The following PCA3 variants were observed in gnomAD, a reference collection of about 807,000 sequenced individuals.
PCA3 encodes the protein prostate cancer associated 3, also known as Differential Display code 3.
At chr9:76,777,624 C>T (rs1813904861) in intron 2 of PCA3, among the ~76,000 whole-genome samples, 1 of 152,142 alleles carries the variant, frequency 6.6e-6, no homozygotes, top group African/African-American at 2.4e-5. Flanking sequence ...GACAAAAATC[C>T]CTACCCTCGT....
intron 2 of PCA3, among the ~76,000 whole-genome samples, chr9:76,781,776 T>C (rs190387353): frequency 2.6e-5 from 4 of 152,220 alleles, no homozygotes; most frequent in Admixed American, 2.0e-4. Flanking sequence ...ATAGTGTTGG[T>C]GAATGAGTTA....
chr9:76,776,583 C>T lies in PCA3; in HGVS notation n.853-32000C>T, dbSNP rs921884536. On this transcript the variant is annotated intron_variant and non_coding_transcript_variant, in intron 2 of 5. Coordinates refer to ENST00000644657, the Ensembl canonical transcript of PCA3. Reference sequence around the variant, plus strand: ...CAAATTGGAGTGCAGTGCACAATCTCGGCTCACTGCAACATCCGCCTCCCG... The same window carrying T: ...CAAATTGGAGTGCAGTGCACAATCTTGGCTCACTGCAACATCCGCCTCCCG... Among the ~76,000 whole-genome samples the T allele has an allele frequency of 8.9e-4, 118 of 133,218 alleles. 2 individuals are homozygous for T. Among genetic ancestry groups the T allele is most frequent in the Non-Finnish European group, 1.6e-3 (107 of 65,726 alleles). The allele number at this position is 133,218 out of a possible 152,430, so 87.4% of individuals were successfully genotyped here. A position where few individuals can be genotyped will look rare whatever the true frequency, so the allele number is the denominator to read the frequency against.
intron 2 of PCA3, among the ~76,000 whole-genome samples, chr9:76,764,776 C>A (rs954530102): frequency 4.6e-5 from 7 of 152,082 alleles, no homozygotes; most frequent in African/African-American, 1.7e-4. Context: ...TGGGCCTAGG[C>A]CTTTTTGGAG....
chr9:76,776,069 C>T (rs934454422), intron 2 of PCA3, among the ~76,000 whole-genome samples: 3 of 152,176 alleles, frequency 2.0e-5, no homozygotes, highest in African/African-American at 2.4e-5. Flanking sequence ...GACAATCTCA[C>T]GTGCACAGAG....
chr9:76,776,667 A>G (rs537970801), intron 2 of PCA3, among the ~76,000 whole-genome samples: 22 of 151,494 alleles, frequency 1.5e-4, no homozygotes, highest in African/African-American at 4.1e-4. Context: ...GGTGCCCGCC[A>G]CTATGCCTAG....
intron 2 of PCA3, chr9:76,785,910 C>A (rs944209699): frequency 6.6e-6 from 1 of 152,122 alleles, no homozygotes; most frequent in Non-Finnish European, 1.5e-5. Context: ...CATCTGTTAA[C>A]ATAAAAAAAG....
intron 2 of PCA3, among the ~76,000 whole-genome samples, chr9:76,780,478 G>A (rs910008385): frequency 6.6e-6 from 1 of 152,046 alleles, no homozygotes; most frequent in Non-Finnish European, 1.5e-5. Context: ...ACGAGGCCAG[G>A]AGATCAAGAC....
intron 2 of PCA3, among the ~76,000 whole-genome samples, chr9:76,771,151 TAG>T (rs944530297): frequency 1.3e-5 from 2 of 152,136 alleles, no homozygotes; most frequent in African/African-American, 2.4e-5. Flanking sequence ...TCATAGAAAC[TAG>T]ACATGATTTA....
At chr9:76,773,473 C>T (rs1393729698) in intron 2 of PCA3, among the ~76,000 whole-genome samples, 2 of 140,488 alleles carry the variant, frequency 1.4e-5, no homozygotes, top group East Asian at 2.1e-4. Context: ...GACAGAGTCT[C>T]GCTCTTGTCG....
At chr9:76,765,891 T>A (rs369581725) in intron 2 of PCA3, among the ~76,000 whole-genome samples, 50 of 152,208 alleles carry the variant, frequency 3.3e-4, no homozygotes, top group Admixed American at 1.1e-3. Context: ...TTTAGAAATA[T>A]CTCGTTAGAG....
chr9:76,785,776 CCTCT>C (rs2054913267), intron 2 of PCA3: 1 of 151,702 alleles, frequency 6.6e-6, no homozygotes, highest in African/African-American at 2.4e-5. Context: ...CCAAAGTGTG[CCTCT>C]CTCTCTTTGA....
At chr9:76,783,163 G>T (rs1033020161) in intron 2 of PCA3, among the ~76,000 whole-genome samples, 2 of 152,178 alleles carry the variant, frequency 1.3e-5, no homozygotes, top group Non-Finnish European at 2.9e-5. Flanking sequence ...TGGAAACAGA[G>T]TTCCACTCTG....
chr9:76,777,639 GTCACATT>G (rs1406200519), intron 2 of PCA3, among the ~76,000 whole-genome samples: 1 of 152,206 alleles, frequency 6.6e-6, no homozygotes, highest in Non-Finnish European at 1.5e-5. Context: ...CCTCGTGAAA[GTCACATT>G]TCAATGCTGG....
chr9:76,779,248 G>C (rs928424873), intron 2 of PCA3, among the ~76,000 whole-genome samples: 2 of 141,116 alleles, frequency 1.4e-5, no homozygotes, highest in Non-Finnish European at 3.0e-5. Flanking sequence ...TTTTTTTTTG[G>C]AAGTATCTGG....
At chr9:76,768,573 ATGTATATGTATG>A (rs1237230858) in intron 2 of PCA3, among the ~76,000 whole-genome samples, 8 of 118,742 alleles carry the variant, frequency 6.7e-5, no homozygotes, top group Admixed American at 5.1e-4. Context: ...TGATATATAT[ATGTATATGTATG>A]TGTGTGTGTG....
chr9:76,779,504 C>T (rs1182547618), intron 2 of PCA3, among the ~76,000 whole-genome samples: 1 of 152,186 alleles, frequency 6.6e-6, no homozygotes, highest in African/African-American at 2.4e-5. Context: ...CACTTTAGCT[C>T]TCAAAATGGT....
intron 2 of PCA3, among the ~76,000 whole-genome samples, chr9:76,774,470 T>A (rs145150716): frequency 1.1e-3 from 43 of 40,394 alleles, no homozygotes; most frequent in East Asian, 4.1e-3. Flanking sequence ...TTTTTTTTTT[T>A]TTTTTTTGAG....
At chr9:76,767,688 C>G (rs956324779) in intron 2 of PCA3, among the ~76,000 whole-genome samples, 1 of 152,106 alleles carries the variant, frequency 6.6e-6, no homozygotes, top group Non-Finnish European at 1.5e-5. Context: ...ATCTCTTGAC[C>G]CTATTTTGTT....
intron 2 of PCA3, among the ~76,000 whole-genome samples, chr9:76,782,401 G>A (rs1039444329): frequency 4.6e-5 from 7 of 152,070 alleles, no homozygotes; most frequent in African/African-American, 1.4e-4. Context: ...GACCATGAAC[G>A]CTAGGGCCAG....
Sources: gnomAD v4.1 joint callset for allele counts (sites outside exome capture counted in the v4.1 genomes callset) on GRCh38, gnomAD v4.1.1 for gene constraint, MANE v1.5 for transcripts, NCBI Gene and HGNC (gene_info 2026-07-23, HGNC 2026-07-21) for gene names.